GSTCD: variants seen among roughly 807,000 people sequenced by gnomAD.
GSTCD encodes the protein glutathione S-transferase C-terminal domain containing, also known as glutathione S-transferase C-terminal domain-containing protein.
Under a neutral mutation model 68.3 loss-of-function variants are expected in GSTCD, and 44 were observed. The observed-to-expected ratio is 0.64, with a 90% CI of 0.51 to 0.83. The LOEUF is 0.83. GSTCD is among the 40% of genes least tolerant of loss of function. The pLI is 0.00. For synonymous variants in GSTCD, 273 were observed against 255.2 expected (o/e 1.07, Z -0.67); for missense variants, 739 against 735.9 (o/e 1.00, Z -0.05).
intron 2 of GSTCD, 111 bp downstream of exon 2, chr4:105,718,150 A>G (rs1732742623): frequency 3.6e-6 from 3 of 829,730 alleles, no homozygotes; most frequent in African/African-American, 1.7e-5. Context: ...TTTATTTTAA[A>G]AAACCCCAGT....
chr4:105,828,701 G>A (rs895352489), intron 8 of GSTCD, among the ~76,000 whole-genome samples: 5 of 152,162 alleles, frequency 3.3e-5, no homozygotes, highest in African/African-American at 1.2e-4. Flanking sequence ...TGCATGCCAG[G>A]CAGAGTGGCA....
At chr4:105,839,032 A>G (rs1009955958) in intron 10 of GSTCD, among the ~76,000 whole-genome samples, 7 of 152,276 alleles carry the variant, frequency 4.6e-5, no homozygotes, top group African/African-American at 9.6e-5. Context: ...TTCCTGCTTT[A>G]TAACTCAAAT....
intron 4 of GSTCD, among the ~76,000 whole-genome samples, chr4:105,727,959 C>T (rs1030712144): frequency 1.3e-5 from 2 of 152,158 alleles, no homozygotes; most frequent in African/African-American, 4.8e-5. Flanking sequence ...CGGTAGCTAA[C>T]AGAGTTTACT....
At chr4:105,767,845 T>G (rs1296045560) in intron 5 of GSTCD, among the ~76,000 whole-genome samples, 1 of 152,112 alleles carries the variant, frequency 6.6e-6, no homozygotes, top group Non-Finnish European at 1.5e-5. Flanking sequence ...TCTGTGCCCT[T>G]AGAACTGGGG....
chr4:105,810,508 G>A (rs1037185569), intron 5 of GSTCD, among the ~76,000 whole-genome samples: 2 of 151,616 alleles, frequency 1.3e-5, no homozygotes, highest in South Asian at 4.2e-4. Flanking sequence ...TTTTTTACTG[G>A]GTATCCAGAA....
At chr4:105,726,321 T>C (rs1387256039) in intron 3 of GSTCD, among the ~76,000 whole-genome samples, 1 of 152,138 alleles carries the variant, frequency 6.6e-6, no homozygotes, top group Non-Finnish European at 1.5e-5. Flanking sequence ...GGCAAAATTG[T>C]AAACACAGAA....
At chr4:105,775,684 G>A (rs1363015173) in intron 5 of GSTCD, among the ~76,000 whole-genome samples, 3 of 152,200 alleles carry the variant, frequency 2.0e-5, no homozygotes, top group Non-Finnish European at 4.4e-5. Context: ...GGAGGCTGCA[G>A]AACAGCAAAG....
chr4:105,719,196 G>C lies in GSTCD; in HGVS notation c.563G>C (p.Arg188Thr), dbSNP rs946418536. 1 of 1,613,974 alleles carries C rather than the reference G, an allele frequency of 6.2e-7. No individual in the cohort carries two copies. Among genetic ancestry groups the C allele is most frequent in the Non-Finnish European group, 8.5e-7 (1 of 1,179,998 alleles). ...GAGAAAAAGCTTAGTGAGCCTGTTA[G>C]AGTGCATAATGATGATAAACTCCGC... ...QLEKKLSEPVRVHNDDKLRRQ... is the reference protein window; with the variant it reads ...QLEKKLSEPVTVHNDDKLRRQ... The change falls in exon 3 of 12, where the codon AGA becomes ACA. Residue 188 changes from arginine (R) to threonine (T), a missense_variant. Transcript: ENST00000515279.
At chr4:105,805,440 T>C (rs958929561) in intron 5 of GSTCD, among the ~76,000 whole-genome samples, 4 of 152,166 alleles carry the variant, frequency 2.6e-5, no homozygotes, top group Non-Finnish European at 5.9e-5. Context: ...TTTTCTAATA[T>C]ATTTTTCATT....
intron 5 of GSTCD, among the ~76,000 whole-genome samples, chr4:105,773,873 G>A (rs1158117161): frequency 4.6e-5 from 7 of 152,074 alleles, no homozygotes; most frequent in African/African-American, 1.2e-4. Flanking sequence ...TATTAGGTTC[G>A]CTTGGTCCAG....
At chr4:105,843,488 C>T (rs1724435237) in intron 11 of GSTCD, 1 of 152,230 alleles carries the variant, frequency 6.6e-6, no homozygotes, top group Non-Finnish European at 1.5e-5. Flanking sequence ...TTATTTGGCT[C>T]ACATTTCTGA....
chr4:105,831,879 G>A (rs1047176829), intron 8 of GSTCD, among the ~76,000 whole-genome samples: 2 of 152,040 alleles, frequency 1.3e-5, no homozygotes, highest in Admixed American at 1.3e-4. Flanking sequence ...GAGGTTGCAG[G>A]GAGTCGAGAT....
chr4:105,716,250 G>A (rs1290191489), intron 1 of GSTCD, among the ~76,000 whole-genome samples: 1 of 152,190 alleles, frequency 6.6e-6, no homozygotes, highest in East Asian at 1.9e-4. Flanking sequence ...TTTTTTTCAG[G>A]GAGCGTGGGG....
At chr4:105,728,937 A>C (rs1733134562) in intron 4 of GSTCD, among the ~76,000 whole-genome samples, 1 of 152,208 alleles carries the variant, frequency 6.6e-6, no homozygotes, top group Non-Finnish European at 1.5e-5. Flanking sequence ...CACTTATAAA[A>C]GACTAGTATG....
chr4:105,778,414 G>T (rs1368180970), intron 5 of GSTCD, among the ~76,000 whole-genome samples: 3 of 151,940 alleles, frequency 2.0e-5, no homozygotes, highest in Non-Finnish European at 4.4e-5. Context: ...ATTTTTGTTT[G>T]CAATATCCAT....
At chr4:105,793,190 A>G (rs1735741043) in intron 5 of GSTCD, among the ~76,000 whole-genome samples, 2 of 152,006 alleles carry the variant, frequency 1.3e-5, no homozygotes, top group African/African-American at 4.8e-5. Flanking sequence ...AATTAAATGG[A>G]GTTGAAACAT....
At chr4:105,737,378 A>G (rs1733496060) in intron 5 of GSTCD, among the ~76,000 whole-genome samples, 1 of 152,164 alleles carries the variant, frequency 6.6e-6, no homozygotes. Context: ...TATTCAGGAT[A>G]TTAATCTTTT....
At chr4:105,815,563 C>T (rs985655833) in intron 5 of GSTCD, among the ~76,000 whole-genome samples, 13 of 152,042 alleles carry the variant, frequency 8.6e-5, no homozygotes, top group African/African-American at 3.1e-4. Context: ...GACATTAGAA[C>T]ACCATGTGCA....
intron 5 of GSTCD, among the ~76,000 whole-genome samples, chr4:105,780,092 T>C (rs1735220010): frequency 6.6e-6 from 1 of 152,184 alleles, no homozygotes; most frequent in Non-Finnish European, 1.5e-5. Flanking sequence ...TTAATAATAA[T>C]GAATAATCAA....
Sources: gnomAD v4.1 joint callset for allele counts (sites outside exome capture counted in the v4.1 genomes callset) on GRCh38, gnomAD v4.1.1 for gene constraint, MANE v1.5 for transcripts, NCBI Gene and HGNC (gene_info 2026-07-23, HGNC 2026-07-21) for gene names.